Variants in AZIN2 observed in about 807,000 individuals in gnomAD.
AZIN2 encodes the protein antizyme inhibitor 2, also known as ODC antizyme inhibitor-2.
AZIN2 carries 28 observed loss-of-function variants against 47.8 expected under a neutral mutation model. That is an observed-to-expected ratio of 0.59 (90% confidence interval 0.43 to 0.80). The LOEUF is 0.80. AZIN2 is among the 30% of genes least tolerant of loss of function. AZIN2 has a pLI of 0.00. For synonymous variants in AZIN2, 221 were observed against 239.4 expected (o/e 0.92, Z 0.71); for missense variants, 535 against 582.5 (o/e 0.92, Z 0.84).
At chr1:33,130,397 TTCTCTTGC>T in the AZIN2 span, among the ~76,000 whole-genome samples, 14 of 152,252 alleles carry the variant, frequency 9.2e-5, no homozygotes, top group Non-Finnish European at 1.5e-4. Context: ...TTTGGGCACC[TTCTCTTGC>T]TCTCTTGCTC....
At chr1:33,151,188 G>A in the AZIN2 span, among the ~76,000 whole-genome samples, 201 of 152,222 alleles carry the variant, frequency 1.3e-3, 7 homozygotes, top group Admixed American at 0.011. Context: ...CTGCAGATTG[G>A]AGGAAATCCT....
intron 6 of AZIN2, 41 bp from the exon 7 acceptor site, chr1:33,093,241 A>G (rs1325140768): frequency 1.2e-6 from 2 of 1,609,474 alleles, no homozygotes; most frequent in Non-Finnish European, 1.7e-6. Flanking sequence ...GGGTGGGGCG[A>G]CAGGGTTTGT....
At chr1:33,137,734 C>G in the AZIN2 span, among the ~76,000 whole-genome samples, 1 of 152,154 alleles carries the variant, frequency 6.6e-6, no homozygotes, top group East Asian at 1.9e-4. Flanking sequence ...TGGCTCAGCA[C>G]CCTCCTTGGC....
the AZIN2 span, among the ~76,000 whole-genome samples, chr1:33,129,133 G>A: frequency 2.0e-5 from 3 of 152,268 alleles, no homozygotes; most frequent in East Asian, 1.9e-4. This position sits in a 1 kb window ranked among gnomAD's most constrained non-coding sequence, Gnocchi z 4.1. Context: ...TCTGGGAACC[G>A]GAGTATAGGA....
At chr1:33,164,996 T>C in the AZIN2 span, 1 of 151,432 alleles carries the variant, frequency 6.6e-6, no homozygotes, top group African/African-American at 2.4e-5. Flanking sequence ...CTCGTTATAT[T>C]GGCCAGGCTG....
At chr1:33,160,068 G>A in the AZIN2 span, 1 of 1,261,348 alleles carries the variant, frequency 7.9e-7, no homozygotes, top group East Asian at 2.5e-5. Flanking sequence ...ACGCGTGGTG[G>A]GGGAAATGTC....
the AZIN2 span, among the ~76,000 whole-genome samples, chr1:33,136,156 TTCCTTCCTTCCTTCCTTCCC>T: frequency 1.4e-5 from 2 of 147,370 alleles, no homozygotes; most frequent in African/African-American, 2.5e-5. Flanking sequence ...CCTTCCTTCC[TTCCTTCCTTCCTTCCTTCCC>T]TCCCTCTCTC....
At chr1:33,088,339 C>T (rs1451148083) in intron 5 of AZIN2, among the ~76,000 whole-genome samples, 5 of 152,164 alleles carry the variant, frequency 3.3e-5, no homozygotes, top group Non-Finnish European at 5.9e-5. Flanking sequence ...TATCACCCAG[C>T]TTGCCAGTCC....
intron 4 of AZIN2, chr1:33,083,569 AG>A (rs1222036339): frequency 3.1e-6 from 1 of 327,192 alleles, no homozygotes; most frequent in Non-Finnish European, 6.0e-6. Context: ...ATGCAGTGGG[AG>A]CATTTAAAAG....
chr1:33,088,301 G>T (rs576458690), intron 5 of AZIN2, among the ~76,000 whole-genome samples: 1 of 151,986 alleles, frequency 6.6e-6, no homozygotes, highest in African/African-American at 2.4e-5. Context: ...TCCCTCTGAC[G>T]TCCTCGTCCT....
chr1:33,089,062 T>C (rs1642246156), intron 5 of AZIN2, among the ~76,000 whole-genome samples: 3 of 152,124 alleles, frequency 2.0e-5, no homozygotes, highest in South Asian at 2.1e-4. Context: ...CAGTGCAGCA[T>C]TGAGGTTGCA....
chr1:33,098,181 TGAGCTTAC>T lies in AZIN2; in HGVS notation c.1029+3_1029+10del. The stretch of plus-strand genomic sequence containing the variant: ...TGCCCTACCCCCATCCTGCAGAAGG[TGAGCTTAC>T]CCCACGTGGGCCTGTTTTCAGTTGT... On this transcript the variant is annotated splice_donor_5th_base_variant and intron_variant, in intron 10 of 11. Coordinates refer to ENST00000294517, the MANE Select transcript of AZIN2 (RefSeq NM_052998.4). 6.2e-7 allele frequency: 1 copy of T among 1,603,768 alleles called. No individual in the cohort carries two copies. The highest frequency in any genetic ancestry group is 2.2e-5 in the East Asian group (1 of 44,666).
chr1:33,096,603 A>C (rs1643181090), intron 8 of AZIN2, 104 bp from the exon 9 acceptor site: 1 of 1,439,084 alleles, frequency 6.9e-7, no homozygotes, highest in African/African-American at 1.4e-5. Context: ...CTTCTTCCGG[A>C]AATCAAAGCA....
intron 5 of AZIN2, 58 bp downstream of exon 5, chr1:33,084,185 C>G: frequency 2.5e-6 from 4 of 1,587,302 alleles, no homozygotes; most frequent in Non-Finnish European, 3.4e-6. Context: ...CACACATGGC[C>G]AGGCTAGTCC....
intron 10 of AZIN2, 107 bp downstream of exon 10, chr1:33,098,286 T>C (rs1643371889): frequency 1.3e-6 from 1 of 790,672 alleles, no homozygotes; most frequent in Admixed American, 3.1e-5. Context: ...TTATTGTCGA[T>C]AATAGACAAC....
downstream of AZIN2, among the ~76,000 whole-genome samples, chr1:33,127,426 T>C (rs781780696): frequency 3.9e-5 from 6 of 152,258 alleles, no homozygotes; most frequent in Non-Finnish European, 7.3e-5. Context: ...GGAAGTCCAT[T>C]GGTTGAAAGA....
the AZIN2 span, among the ~76,000 whole-genome samples, chr1:33,157,863 T>A: frequency 6.6e-6 from 1 of 152,022 alleles, no homozygotes; most frequent in African/African-American, 2.4e-5. Context: ...TTCAAGCAAT[T>A]CTCCTGCCTC....
At position 33,123,407 on chromosome 1, in the gene AZIN2, G is replaced by A. The variant is rs1333496783; in HGVS notation, c.*3225G>A. ...TGCTGTGTCCTTATTACCTAGAACG[G>A]AGTAGGTGTTCAAAAAGTATATGCT... On this transcript the variant is annotated 3_prime_UTR_variant, in exon 12 of 12. Coordinates refer to ENST00000294517, the MANE Select transcript of AZIN2 (RefSeq NM_052998.4). Among the ~76,000 whole-genome samples the A allele has an allele frequency of 1.3e-5, 2 of 152,200 alleles. No homozygotes were observed. The highest frequency in any genetic ancestry group is 2.4e-5 in the African/African-American group (1 of 41,450).
At chr1:33,131,647 TTAAA>T in the AZIN2 span, among the ~76,000 whole-genome samples, 1 of 152,050 alleles carries the variant, frequency 6.6e-6, no homozygotes, top group Admixed American at 6.5e-5. Flanking sequence ...TTAAAATATA[TTAAA>T]TTAATTTCAC....
Sources: allele counts gnomAD v4.1 joint callset (sites outside exome capture counted in the v4.1 genomes callset), GRCh38; gene constraint gnomAD v4.1.1; non-coding constraint Gnocchi (gnomAD v3.1); transcripts MANE v1.5; gene names NCBI Gene and HGNC (gene_info 2026-07-23, HGNC 2026-07-21).